SLC16A8: variants seen among roughly 807,000 people sequenced by gnomAD.
SLC16A8 encodes monocarboxylate transporter 3.
A neutral mutation model predicts 22.4 loss-of-function variants in SLC16A8; 20 were observed. The ratio of observed to expected loss-of-function variants is 0.89; its 90% CI spans 0.63 to 1.30. The LOEUF is 1.30. Ranked by LOEUF, SLC16A8 falls within the 50% of genes most tolerant of loss-of-function variation. The pLI, the probability that SLC16A8 is intolerant of heterozygous loss-of-function variation, is 0.00. For synonymous variants in SLC16A8, 393 were observed against 358.8 expected, an observed-to-expected ratio of 1.10 and a Z score of -1.08; for missense variants, 817 against 740.3, an observed-to-expected ratio of 1.10 and a Z score of -1.20.
At chr22:38,080,461 G>C (rs985963073) in intron 5 of SLC16A8, among the ~76,000 whole-genome samples, 1 of 152,144 alleles carries the variant, frequency 6.6e-6, no homozygotes, top group Non-Finnish European at 1.5e-5. Context: ...TTCTAAAGGC[G>C]TGGGCATTTA....
Position 38,081,253 on chromosome 22 carries a change from A to T in SLC16A8, c.785T>A (p.Leu262Gln). ...AFAVYAVTKF[L>Q]MALGLFVPAI... is the part of the protein sequence containing the mutation. ...GGGGACGAAGAGCCCGAGCGCCATC[A>T]GGAACTTGGTGACGGCGTACACGGC... is the stretch of plus-strand genomic sequence containing the variant. The change falls in exon 5 of 6, where the codon CTG becomes CAG. Residue 262 changes from leucine to glutamine, a missense_variant. Coordinates refer to ENST00000681075, the MANE Select transcript of SLC16A8 (RefSeq NM_013356.3). 6.3e-7 allele frequency: 1 copy of T among 1,586,756 alleles called. No individual in the cohort carries two copies. Among genetic ancestry groups the T allele is most frequent in the Non-Finnish European group, 8.6e-7 (1 of 1,166,908 alleles).
rs1043587124 is a variant in SLC16A8 at position 38,081,465 on chromosome 22, C to T, written c.573G>A (p.Gly191=). The T allele has an allele frequency of 5.3e-6, 7 of 1,330,902 alleles. No homozygotes were observed. The highest frequency in any genetic ancestry group is 4.8e-6 in the Non-Finnish European group (5 of 1,050,044). 82.4% of individuals were successfully genotyped at this position (1,330,902 alleles called of 1,614,324 possible). ...GGLLLHCCAC[G]AVMRPPPGPG... ...GCCCGGGCGGCGGCCTCATGACAGC[C>T]CCGCAGGCGCAGCAGTGCAGCAGGA... Residue 191 remains glycine (G), a synonymous_variant, in exon 5 of 6, where the codon GGG becomes GGA. Transcript: ENST00000681075.
At chr22:38,080,421 CCCATTCCAGTCA>C (rs1435512129) in intron 5 of SLC16A8, among the ~76,000 whole-genome samples, 1 of 152,174 alleles carries the variant, frequency 6.6e-6, no homozygotes, top group Non-Finnish European at 1.5e-5. Flanking sequence ...AGATACTGTC[CCCATTCCAGTCA>C]CCATTCTAGA....
In SLC16A8 at chr22:38,081,347, C is replaced by T. The variant is rs1484062011; in HGVS notation, c.691G>A (p.Glu231Lys). ...CGGGGCCGGACCCTGGGGGATGCCT[C>T]GCGCAGCTGCAGCCCCGCACCGTCA... ...EADGAGLQLR[E>K]ASPRVRPRRR... Residue 231 changes from glutamate (E) to lysine (K), a missense_variant, in exon 5 of 6, where the codon GAG becomes AAG. Physicochemically the swap from Glu to Lys is moderately conservative, Grantham distance 56. Coordinates refer to ENST00000681075, the MANE Select transcript of SLC16A8 (RefSeq NM_013356.3). 1.4e-6 allele frequency: 2 copies of T among 1,460,912 alleles called. No homozygotes were observed. Among genetic ancestry groups the T allele is most frequent in the Non-Finnish European group, 9.0e-7 (1 of 1,108,632 alleles). The allele number at this position is 1,460,912 out of a possible 1,614,324, so 90.5% of individuals were successfully genotyped here. A position where few individuals can be genotyped will look rare whatever the true frequency, so the allele number is the denominator to read the frequency against.
At chr22:38,082,551 A>G in intron 3 of SLC16A8, 109 bp downstream of exon 3, 1 of 907,736 alleles carries the variant, frequency 1.1e-6, no homozygotes, top group Non-Finnish European at 1.6e-6. Flanking sequence ...GCAGGAAGGG[A>G]CTTCGGGGGC....
Position 38,081,492 on chromosome 22 carries a change from C to A in SLC16A8, c.546G>T (p.Gly182=). The stretch of plus-strand genomic sequence containing the variant: ...CGCAGGCGCAGCAGTGCAGCAGGAG[C>A]CCGCCGAGCAGCAGGAAGCCGCCGC... ...GWRGGFLLLG[G]LLLHCCACGA... The change falls in exon 5 of 6, where the codon GGG becomes GGT. Residue 182 remains glycine, a synonymous_variant. Coordinates refer to ENST00000681075, the MANE Select transcript of SLC16A8 (RefSeq NM_013356.3). 5.0e-6 allele frequency: 7 copies of A among 1,400,198 alleles called. No homozygotes were observed. The highest frequency in any genetic ancestry group is 6.4e-6 in the Non-Finnish European group (7 of 1,090,730). 86.7% of individuals were successfully genotyped at this position (1,400,198 alleles called of 1,614,324 possible). A position where few individuals can be genotyped will look rare whatever the true frequency, so the allele number is the denominator to read the frequency against.
intron 2 of SLC16A8, 41 bp downstream of exon 2, chr22:38,083,001 G>T: frequency 1.5e-6 from 1 of 668,090 alleles, no homozygotes; most frequent in Non-Finnish European, 2.5e-6. Flanking sequence ...GGGTGGCTCA[G>T]GTCTGGGAAC....
chr22:38,082,955 G>A (rs2085943888), intron 2 of SLC16A8, 74 bp from the exon 3 acceptor site: 1 of 991,104 alleles, frequency 1.0e-6, no homozygotes, highest in East Asian at 2.6e-5. Flanking sequence ...TGGAGACGAA[G>A]CATGGGGAAA....
rs2085877597 is a variant in SLC16A8 at position 38,078,549 on chromosome 22, T to G, written c.1354A>C (p.Ser452Arg). ...PSGPGTEGGA[S>R]DTEDAEAEGD... is the part of the protein sequence containing the mutation. ...TCAGCCTCAGCGTCCTCAGTGTCAC[T>G]GGCTCCGCCCTCAGTGCCTGGGCCT... is the stretch of plus-strand genomic sequence containing the variant. The change falls in exon 6 of 6, where the codon AGT (serine) becomes CGT (arginine). Residue 452 changes from serine to arginine, a missense_variant. Physicochemically the swap from Ser to Arg is moderately radical, Grantham distance 110. Transcript: ENST00000681075. 6.2e-7 allele frequency: 1 copy of G among 1,614,054 alleles called. No homozygotes were observed. The highest frequency in any genetic ancestry group is 8.5e-7 in the Non-Finnish European group (1 of 1,180,046).
In SLC16A8 at chr22:38,081,233, C is replaced by G. The variant is rs754502681; in HGVS notation, c.805G>C (p.Val269Leu). The G allele has an allele frequency of 7.6e-6, 12 of 1,579,996 alleles. No homozygotes were observed. The highest frequency in any genetic ancestry group is 2.7e-5 in the African/African-American group (2 of 73,868). Residue 269 changes from valine (V) to leucine (L), a missense_variant, in exon 5 of 6, where the codon GTC becomes CTC. Val to Leu is a conservative substitution (Grantham distance 32). Coordinates refer to ENST00000681075, the MANE Select transcript of SLC16A8 (RefSeq NM_013356.3). ...TAGTTCACCAGCAGGATGGCGGGGA[C>G]GAAGAGCCCGAGCGCCATCAGGAAC... Reference protein sequence around the residue: ...TKFLMALGLFVPAILLVNYAK... With the variant: ...TKFLMALGLFLPAILLVNYAK...
chr22:38,078,520 C>T lies in SLC16A8; in HGVS notation c.1383G>A (p.Gly461=), dbSNP rs748304965. The T allele has an allele frequency of 1.8e-5, 29 of 1,614,196 alleles. No homozygotes were observed. In the South Asian group the frequency reaches 3.1e-4, roughly 17 times the overall value. Residue 461 remains glycine (G), a synonymous_variant, in exon 6 of 6, where the codon GGG becomes GGA. Transcript: ENST00000681075. ...ASDTEDAEAE[G]DSEPLPVVAE... ...CAACAACAGGCAGGGGCTCAGAGTCCCCTTCAGCCTCAGCGTCCTCAGTGT... is the reference window on the plus strand; with the variant it reads ...CAACAACAGGCAGGGGCTCAGAGTCTCCTTCAGCCTCAGCGTCCTCAGTGT...
At chr22:38,081,867 G>A in intron 4 of SLC16A8, 22 bp downstream of exon 4, 1 of 1,587,920 alleles carries the variant, frequency 6.3e-7, no homozygotes, top group Non-Finnish European at 8.6e-7. Context: ...ACCCAGCGGA[G>A]AGGAGACCAG....
chr22:38,080,091 G>A (rs2085894366), intron 5 of SLC16A8, among the ~76,000 whole-genome samples: 1 of 152,232 alleles, frequency 6.6e-6, no homozygotes, highest in African/African-American at 2.4e-5. Context: ...CTCAAAGGCA[G>A]GCTCCCTTGC....
chr22:38,081,493 C>T lies in SLC16A8; in HGVS notation c.545G>A (p.Gly182Glu), dbSNP rs1350183107. Residue 182 changes from glycine (G) to glutamate (E), a missense_variant, in exon 5 of 6, where the codon GGG becomes GAG. Coordinates refer to ENST00000681075, the MANE Select transcript of SLC16A8 (RefSeq NM_013356.3). ...GWRGGFLLLG[G>E]LLLHCCACGA... is the part of the protein sequence containing the mutation. ...GCAGGCGCAGCAGTGCAGCAGGAGC[C>T]CGCCGAGCAGCAGGAAGCCGCCGCG... The T allele has an allele frequency of 3.6e-6, 5 of 1,402,196 alleles. No homozygotes were observed. Among genetic ancestry groups the T allele is most frequent in the Non-Finnish European group, 4.6e-6 (5 of 1,091,744 alleles). 86.9% of individuals were successfully genotyped at this position (1,402,196 alleles called of 1,614,324 possible). A position where few individuals can be genotyped will look rare whatever the true frequency, so the allele number is the denominator to read the frequency against.
rs778560988 is a variant in SLC16A8, at chr22:38,078,424, T to A, written c.1479A>T (p.Ile493=). ...SARGEPTEPE[I]EARPRLAAES... ...CGGCAGCCAGCCTCGGCCTCGCCTC[T>A]ATTTCTGGTTCTGTGGGCTCGCCCC... The change falls in exon 6 of 6, where the codon ATA becomes ATT. Residue 493 remains isoleucine (I), a synonymous_variant. Transcript: ENST00000681075. The A allele has an allele frequency of 5.6e-6, 9 of 1,609,080 alleles. No individual in the cohort carries two copies. In the African/African-American group the frequency reaches 1.2e-4, roughly 21 times the overall value.
At position 38,081,023 on chromosome 22, in the gene SLC16A8, G is replaced by A; in HGVS notation, c.1015C>T (p.Arg339Cys). 11 of 1,596,486 alleles carry A rather than the reference G, an allele frequency of 6.9e-6. No homozygotes were observed. The highest frequency in any genetic ancestry group is 9.3e-6 in the Non-Finnish European group (11 of 1,177,256). Residue 339 changes from arginine (R) to cysteine (C), a missense_variant, in exon 5 of 6, where the codon CGC (arginine) becomes TGC (cysteine). Physicochemically the swap from Arg to Cys is radical, Grantham distance 180. Coordinates refer to ENST00000681075, the MANE Select transcript of SLC16A8 (RefSeq NM_013356.3). The part of the protein sequence containing the change: ...ANGLTDLSSA[R>C]ARSYGALVAF... ...ACGAGGGCGCCGTAGGAGCGCGCGC[G>A]TGCGCTGCTCAGGTCTGTGAGCCCA...
rs2085916748 is a variant in SLC16A8, at chr22:38,081,473, C to T, written c.565G>A (p.Ala189Thr). 10 of 1,343,752 alleles carry T rather than the reference C, an allele frequency of 7.4e-6. No individual in the cohort carries two copies. In the South Asian group the frequency reaches 1.2e-4, roughly 16 times the overall value. 83.2% of individuals were successfully genotyped at this position (1,343,752 alleles called of 1,614,324 possible). A position where few individuals can be genotyped will look rare whatever the true frequency, so the allele number is the denominator to read the frequency against. The change falls in exon 5 of 6, where the codon GCC becomes ACC. Residue 189 changes from alanine to threonine, a missense_variant. Physicochemically the swap from Ala to Thr is moderately conservative, Grantham distance 58. Transcript: ENST00000681075. ...GGCGGCCTCATGACAGCCCCGCAGGCGCAGCAGTGCAGCAGGAGCCCGCCG... is the reference window on the plus strand; with the variant it reads ...GGCGGCCTCATGACAGCCCCGCAGGTGCAGCAGTGCAGCAGGAGCCCGCCG... ...LLGGLLLHCC[A>T]CGAVMRPPPG...
chr22:38,082,518 T>G, intron 3 of SLC16A8, 142 bp downstream of exon 3: 4 of 728,400 alleles, frequency 5.5e-6, no homozygotes, highest in Non-Finnish European at 8.8e-6. Context: ...CTTCCCCTCT[T>G]TCTGGTGCCA....
At position 38,081,890 on chromosome 22, in the gene SLC16A8, T is replaced by C; in HGVS notation, c.357A>G (p.Thr119=). The change falls in exon 4 of 6, where the codon ACA becomes ACG. Residue 119 remains threonine, a splice_region_variant and synonymous_variant. Transcript: ENST00000681075. ...GAGAGGAGACCAGGGGGCCCTCACC[T>C]GTGAGCACCCCAGCGGTCAGGTAGA... ...LELYLTAGVL[T]GLGLALNFQP... 1 of 1,593,598 alleles carries C rather than the reference T, an allele frequency of 6.3e-7. No individual in the cohort carries two copies. The highest frequency in any genetic ancestry group is 8.5e-7 in the Non-Finnish European group (1 of 1,170,662).
Sources: allele counts gnomAD v4.1 joint callset (sites outside exome capture counted in the v4.1 genomes callset), GRCh38; gene constraint gnomAD v4.1.1; transcripts MANE v1.5; gene names NCBI Gene and HGNC (gene_info 2026-07-23, HGNC 2026-07-21).